RIN2: variants seen among roughly 807,000 people sequenced by gnomAD.
RIN2 encodes Ras and Rab interactor 2.
In RIN2, 36 loss-of-function variants were observed where a neutral mutation model predicts 78.0. The ratio of observed to expected loss-of-function variants is 0.46; its 90% confidence interval spans 0.35 to 0.61. RIN2 has a LOEUF of 0.61. RIN2 is among the 20% of genes least tolerant of loss of function. The pLI is 0.00. For missense variants in RIN2, 1,087 were observed against 1,159.7 expected (o/e 0.94, Z 0.91); for synonymous variants, 466 against 466.8 (o/e 1.00, Z 0.02).
intron 9 of RIN2, among the ~76,000 whole-genome samples, chr20:19,985,065 A>C (rs1662345279): frequency 1.3e-5 from 2 of 152,220 alleles, no homozygotes; most frequent in Non-Finnish European, 2.9e-5. Flanking sequence ...TCTTTCTAAC[A>C]CAAGCAATTT....
At chr20:19,780,204 A>G (rs763539175) in intron 1 of RIN2, among the ~76,000 whole-genome samples, 43 of 152,256 alleles carry the variant, frequency 2.8e-4, no homozygotes, top group Non-Finnish European at 4.9e-4. Flanking sequence ...GAAGGCAGCT[A>G]TATAATTTTA....
At chr20:19,823,372 A>G in intron 2 of RIN2, 2 of 614,394 alleles carry the variant, frequency 3.3e-6, no homozygotes, top group South Asian at 2.0e-5. Context: ...AATGGTGGTA[A>G]CATCTGCTCT....
chr20:19,844,603 CTT>C (rs1187749361), intron 2 of RIN2, among the ~76,000 whole-genome samples: 7,399 of 37,340 alleles, frequency 0.2, 344 homozygotes, highest in Non-Finnish European at 0.23. Flanking sequence ...GCTTCTTCCT[CTT>C]CTTCTTCTTC....
In RIN2 at chr20:19,971,007, A is replaced by G. The variant is rs1268456729; in HGVS notation, c.628+78A>G. On this transcript the variant is annotated intron_variant, in intron 8 of 12. Transcript: ENST00000255006. Reference sequence around the variant, plus strand: ...AGTCAATGGTGGGCTCACTGAGGCTACATTGCTCCGTCAATCTCTCCAGCT... The same window carrying G: ...AGTCAATGGTGGGCTCACTGAGGCTGCATTGCTCCGTCAATCTCTCCAGCT... 6 of 1,070,870 alleles carry G rather than the reference A, an allele frequency of 5.6e-6. No homozygotes were observed. In the South Asian group the frequency reaches 7.0e-5, roughly 13 times the overall value. The allele number at this position is 1,070,870 out of a possible 1,614,324, so 66.3% of individuals were successfully genotyped here. A position where few individuals can be genotyped will look rare whatever the true frequency, so the allele number is the denominator to read the frequency against.
chr20:19,938,750 A>T (rs575094704), intron 4 of RIN2, among the ~76,000 whole-genome samples: 1 of 152,342 alleles, frequency 6.6e-6, no homozygotes, highest in Admixed American at 6.5e-5. Context: ...TAGTTTTAAA[A>T]GGTGGTCTGT....
intron 2 of RIN2, among the ~76,000 whole-genome samples, chr20:19,832,418 G>A (rs1322026053): frequency 1.3e-5 from 2 of 149,362 alleles, no homozygotes; most frequent in Admixed American, 1.3e-4. Flanking sequence ...GCTCCCCACT[G>A]TCCCTCCCAG....
chr20:19,971,735 ATTTTTT>A (rs61019165), intron 8 of RIN2, among the ~76,000 whole-genome samples: 1 of 91,540 alleles, frequency 1.1e-5, no homozygotes, highest in African/African-American at 5.0e-5. Flanking sequence ...TGAAACTGCA[ATTTTTT>A]TTTTTTTTTT....
At chr20:19,972,786 C>T (rs890995897) in intron 8 of RIN2, among the ~76,000 whole-genome samples, 1 of 152,132 alleles carries the variant, frequency 6.6e-6, no homozygotes, top group East Asian at 1.9e-4. Context: ...AAGGAGGACT[C>T]AAAGGAGGTG....
chr20:19,947,922 T>C (rs1356880918), intron 4 of RIN2, among the ~76,000 whole-genome samples: 1 of 152,184 alleles, frequency 6.6e-6, no homozygotes, highest in Non-Finnish European at 1.5e-5. Context: ...CTCCATACCT[T>C]GTGGAGCCTG....
intron 2 of RIN2, among the ~76,000 whole-genome samples, chr20:19,801,866 G>A (rs2035253555): frequency 6.6e-6 from 1 of 152,204 alleles, no homozygotes; most frequent in Non-Finnish European, 1.5e-5. Context: ...TTATCATGAT[G>A]TTGTAGGTTT....
chr20:19,802,455 C>G (rs1436575493), intron 2 of RIN2, among the ~76,000 whole-genome samples: 2 of 142,708 alleles, frequency 1.4e-5, no homozygotes, highest in East Asian at 2.0e-4. Context: ...GGCACTATCT[C>G]TACAAAAAGT....
At chr20:19,981,533 G>T (rs1178876513) in intron 9 of RIN2, among the ~76,000 whole-genome samples, 1 of 152,172 alleles carries the variant, frequency 6.6e-6, no homozygotes, top group Non-Finnish European at 1.5e-5. Flanking sequence ...CTTCCATAAG[G>T]GAGATTGGTC....
At position 19,955,173 on chromosome 20, in the gene RIN2, G is replaced by A. The variant is rs185880648; in HGVS notation, c.159-1442G>A. 3.7e-3 allele frequency among the ~76,000 whole-genome samples: 559 copies of A among 152,186 alleles called. 3 individuals carry two copies. Among genetic ancestry groups the A allele is most frequent in the Non-Finnish European group, 5.2e-3 (351 of 68,010 alleles). On this transcript the variant is annotated intron_variant, in intron 4 of 12. Transcript: ENST00000255006. ...ACTTTGTGTCTCTGTAGATTTGCTT[G>A]TTCTGGATATTTCATGTAAATCGAG...
At chr20:19,851,188 G>T (rs971862681) in intron 2 of RIN2, among the ~76,000 whole-genome samples, 1 of 152,198 alleles carries the variant, frequency 6.6e-6, no homozygotes, top group Admixed American at 6.5e-5. Context: ...GGGAACTGGG[G>T]TGATGGAGGG....
chr20:19,851,199 G>A lies in RIN2; in HGVS notation c.-36-38367G>A, dbSNP rs115048453. ...TGCTGGGAACTGGGGTGATGGAGGGGGTCAGTGGCAAAGAGAAAACCTTGG... is the reference window on the plus strand; with the variant it reads ...TGCTGGGAACTGGGGTGATGGAGGGAGTCAGTGGCAAAGAGAAAACCTTGG... On this transcript the variant is annotated intron_variant, in intron 2 of 12. Coordinates refer to ENST00000255006, the MANE Select transcript of RIN2 (RefSeq NM_018993.4). 4.2e-3 allele frequency among the ~76,000 whole-genome samples: 634 copies of A among 152,270 alleles called. 3 individuals carry two copies. Among genetic ancestry groups the A allele is most frequent in the African/African-American group, 0.015 (618 of 41,552 alleles).
chr20:19,875,224 T>A (rs931138560), intron 2 of RIN2, among the ~76,000 whole-genome samples: 7 of 152,074 alleles, frequency 4.6e-5, no homozygotes, highest in Non-Finnish European at 8.8e-5. Flanking sequence ...AGTGGTATGA[T>A]CTTGGCTCAC....
chr20:19,927,415 AT>A (rs1007649859), intron 3 of RIN2, among the ~76,000 whole-genome samples: 12 of 145,828 alleles, frequency 8.2e-5, no homozygotes, highest in African/African-American at 2.0e-4. Flanking sequence ...TGCCTGGGTA[AT>A]TTTTTTTTTC....
chr20:19,851,374 T>C (rs578180396), intron 2 of RIN2, among the ~76,000 whole-genome samples: 21 of 150,436 alleles, frequency 1.4e-4, no homozygotes, highest in Admixed American at 3.3e-4. Flanking sequence ...ATGAAGGAGA[T>C]TGGGAAAAGT....
chr20:19,761,732 T>C (rs183648865), intron 1 of RIN2, among the ~76,000 whole-genome samples: 3 of 152,342 alleles, frequency 2.0e-5, no homozygotes, highest in Admixed American at 2.0e-4. Flanking sequence ...TTGATCTGTG[T>C]ATCCAATTAA....
Sources: allele counts gnomAD v4.1 joint callset (sites outside exome capture counted in the v4.1 genomes callset), GRCh38; gene constraint gnomAD v4.1.1; transcripts MANE v1.5; gene names NCBI Gene and HGNC (gene_info 2026-07-23, HGNC 2026-07-21).